GRHL2: variants seen among roughly 807,000 people sequenced by gnomAD.
GRHL2 encodes the protein grainyhead-like protein 2 homolog.
Under a neutral mutation model 83.8 loss-of-function variants are expected in GRHL2, and 21 were observed. The ratio of observed to expected loss-of-function variants is 0.25; its 90% CI spans 0.18 to 0.36. The LOEUF (loss-of-function observed/expected upper bound fraction) is 0.36. GRHL2 is among the 10% of genes least tolerant of loss of function. The probability of loss-of-function intolerance (pLI) is 1.00; values close to 1 mark genes in which losing one functional copy is unlikely to be tolerated. For synonymous variants in GRHL2, 280 were observed against 278.9 expected (o/e 1.00, Z -0.04); for missense variants, 623 against 781.8 (o/e 0.80, Z 2.42).
chr8:101,499,405 C>G (rs564508906), intron 1 of GRHL2, among the ~76,000 whole-genome samples: 3 of 152,254 alleles, frequency 2.0e-5, no homozygotes, highest in East Asian at 3.9e-4. Context: ...TCCCTTCTTT[C>G]CTTCCTTGGT....
intron 12 of GRHL2, among the ~76,000 whole-genome samples, chr8:101,639,285 TGAACAGCATTG>T (rs1264301386): frequency 2.7e-5 from 4 of 150,328 alleles, no homozygotes; most frequent in Non-Finnish European, 2.9e-5. Context: ...ATGAGTGACA[TGAACAGCATTG>T]GAACCAGAGT....
intron 12 of GRHL2, among the ~76,000 whole-genome samples, chr8:101,643,464 C>T (rs1321515070): frequency 2.7e-5 from 4 of 148,488 alleles, no homozygotes; most frequent in Non-Finnish European, 5.9e-5. Context: ...AATGCAGAAA[C>T]ATCAGAACCA....
At chr8:101,498,321 T>C (rs1429819296) in intron 1 of GRHL2, among the ~76,000 whole-genome samples, 4 of 152,264 alleles carry the variant, frequency 2.6e-5, no homozygotes, top group East Asian at 3.9e-4. Context: ...GGTTTCATCA[T>C]GTTGGCCAGG....
chr8:101,569,251 T>C (rs986737261), intron 4 of GRHL2, among the ~76,000 whole-genome samples: 1 of 152,214 alleles, frequency 6.6e-6, no homozygotes, highest in African/African-American at 2.4e-5. Flanking sequence ...GCACATCCTA[T>C]ATGCACTGTA....
the GRHL2 span, among the ~76,000 whole-genome samples, chr8:101,677,947 T>C: frequency 6.6e-6 from 1 of 152,110 alleles, no homozygotes; most frequent in African/African-American, 2.4e-5. Context: ...TTAGGTGGAT[T>C]TGACTGATAT....
intron 6 of GRHL2, among the ~76,000 whole-genome samples, chr8:101,576,849 C>A (rs537746811): frequency 6.6e-6 from 1 of 152,076 alleles, no homozygotes; most frequent in Non-Finnish European, 1.5e-5. Flanking sequence ...GTTGCTCTTG[C>A]GTTTTTCAGT....
intron 2 of GRHL2, among the ~76,000 whole-genome samples, chr8:101,545,452 A>G (rs1467419833): frequency 4.1e-5 from 6 of 147,196 alleles, no homozygotes; most frequent in Non-Finnish European, 6.0e-5. Context: ...TGAAAAAAAA[A>G]AAAAAAAAAA....
intron 4 of GRHL2, among the ~76,000 whole-genome samples, chr8:101,568,664 T>C (rs1427684391): frequency 6.6e-6 from 1 of 152,166 alleles, no homozygotes; most frequent in East Asian, 1.9e-4. Context: ...GTGTTATATA[T>C]AATTTTGTGT....
intron 14 of GRHL2, among the ~76,000 whole-genome samples, chr8:101,652,370 TC>T (rs1813654822): frequency 2.9e-5 from 1 of 35,082 alleles, no homozygotes; most frequent in Non-Finnish European, 4.8e-5. Flanking sequence ...TGTGTGTGTG[TC>T]TGATGTGTGT....
intron 7 of GRHL2, among the ~76,000 whole-genome samples, chr8:101,594,106 A>G (rs1812345315): frequency 1.5e-5 from 2 of 137,022 alleles, no homozygotes; most frequent in African/African-American, 2.8e-5. Context: ...AAAGAGAGAG[A>G]TAGTGAAGGG....
chr8:101,567,755 G>A (rs532393788), intron 4 of GRHL2, among the ~76,000 whole-genome samples: 1 of 152,308 alleles, frequency 6.6e-6, no homozygotes, highest in African/African-American at 2.4e-5. Flanking sequence ...TGAGTCTGAA[G>A]ATTTGTAGTA....
At chr8:101,599,435 A>G (rs1479081996) in intron 8 of GRHL2, among the ~76,000 whole-genome samples, 2 of 152,150 alleles carry the variant, frequency 1.3e-5, no homozygotes, top group African/African-American at 4.8e-5. Context: ...TTCCCTCTGC[A>G]GTGCAGATTC....
intron 2 of GRHL2, among the ~76,000 whole-genome samples, chr8:101,544,981 C>T (rs1811230660): frequency 6.6e-6 from 1 of 152,162 alleles, no homozygotes; most frequent in Admixed American, 6.5e-5. Context: ...ATTACACATT[C>T]CTTTCCCACC....
intron 1 of GRHL2, among the ~76,000 whole-genome samples, chr8:101,530,771 C>T (rs1055126275): frequency 2.0e-5 from 3 of 152,184 alleles, no homozygotes; most frequent in Non-Finnish European, 2.9e-5. Flanking sequence ...TTACAAACTC[C>T]GCTTTTGCAT....
At chr8:101,666,172 C>T (rs1335839283) in intron 15 of GRHL2, among the ~76,000 whole-genome samples, 1 of 152,156 alleles carries the variant, frequency 6.6e-6, no homozygotes, top group Non-Finnish European at 1.5e-5. Flanking sequence ...GCTTGTTTTC[C>T]TCTTCCTCCT....
At position 101,668,636 on chromosome 8, in the gene GRHL2, G is replaced by C. The variant is rs1814133240; in HGVS notation, c.*1933G>C. On this transcript the variant is annotated 3_prime_UTR_variant, in exon 16 of 16. Transcript: ENST00000646743. ...CTGACTGCCACGCCCCGGACCAGCAGCTTGGGGACCCTCCAGGGTACTAAT... is the reference window on the plus strand; with the variant it reads ...CTGACTGCCACGCCCCGGACCAGCACCTTGGGGACCCTCCAGGGTACTAAT... 1 of 153,040 alleles carries C rather than the reference G, an allele frequency of 6.5e-6. No individual in the cohort carries two copies. Among genetic ancestry groups the C allele is most frequent in the Non-Finnish European group, 1.5e-5 (1 of 68,538 alleles). The allele number at this position is 153,040 out of a possible 1,614,324, so 9.5% of individuals were successfully genotyped here.
At position 101,641,577 on chromosome 8, in the gene GRHL2, C is replaced by T. The variant is rs138810235; in HGVS notation, c.1518-2554C>T. Among the ~76,000 whole-genome samples the T allele has an allele frequency of 1.8e-3, 267 of 152,278 alleles. 2 individuals are homozygous for T. Among genetic ancestry groups the T allele is most frequent in the Non-Finnish European group, 2.7e-3 (185 of 68,014 alleles). On this transcript the variant is annotated intron_variant, in intron 12 of 15. Transcript: ENST00000646743. Reference sequence around the variant, plus strand: ...CCTTCCCACTGTTTTTCCAATGAAACTTAGCACTACCTTTATACCTCAGGG... The same window carrying T: ...CCTTCCCACTGTTTTTCCAATGAAATTTAGCACTACCTTTATACCTCAGGG...
chr8:101,556,630 G>A (rs553630028), intron 3 of GRHL2, among the ~76,000 whole-genome samples: 141 of 152,320 alleles, frequency 9.3e-4, no homozygotes, highest in African/African-American at 3.3e-3. Flanking sequence ...CAGGAGGTCT[G>A]AGATCTGGGA....
At chr8:101,593,953 C>T (rs2130296870) in intron 7 of GRHL2, among the ~76,000 whole-genome samples, 1 of 151,466 alleles carries the variant, frequency 6.6e-6, no homozygotes, top group Admixed American at 6.6e-5. Context: ...CCTGTAATCC[C>T]AGCTACTCGG....
Sources: gnomAD v4.1 joint callset for allele counts (sites outside exome capture counted in the v4.1 genomes callset) on GRCh38, gnomAD v4.1.1 for gene constraint, MANE v1.5 for transcripts, NCBI Gene and HGNC (gene_info 2026-07-23, HGNC 2026-07-21) for gene names.